The following RNASEH2B variants were observed in gnomAD, a reference collection of about 807,000 sequenced individuals.
RNASEH2B encodes the protein Aicardi-Goutieres syndrome 2 protein.
RNASEH2B carries 36 observed loss-of-function variants against 45.0 expected under a neutral mutation model. That is an observed-to-expected ratio of 0.80 (90% CI 0.61 to 1.06). RNASEH2B has a LOEUF of 1.06. Ranked by LOEUF, RNASEH2B falls within the 50% of genes least tolerant of loss-of-function variation. The probability of loss-of-function intolerance (pLI) is 0.00; values close to 1 mark genes in which losing one functional copy is unlikely to be tolerated. For synonymous variants in RNASEH2B, 119 were observed against 125.7 expected (o/e 0.95, Z 0.35); for missense variants, 361 against 360.3 (o/e 1.00, Z -0.02).
intron 1 of RNASEH2B, chr13:50,921,293 C>G (rs934965989): frequency 1.3e-5 from 2 of 152,182 alleles, no homozygotes; most frequent in Non-Finnish European, 1.5e-5. Context: ...AATGTTCTTT[C>G]TATGCTGACA....
At chr13:50,929,411 G>T (rs1407688019) in intron 2 of RNASEH2B, 64 bp from the exon 3 acceptor site, 4 of 947,470 alleles carry the variant, frequency 4.2e-6, no homozygotes, top group Middle Eastern at 5.2e-4. Flanking sequence ...AGTCTTTTGG[G>T]GTGTGTGTGT....
At chr13:50,931,250 T>C (rs1368023127) in intron 4 of RNASEH2B, among the ~76,000 whole-genome samples, 2 of 152,142 alleles carry the variant, frequency 1.3e-5, no homozygotes, top group African/African-American at 4.8e-5. Context: ...ACCTTTGGAA[T>C]AGAAATAAAG....
chr13:50,934,096 C>T (rs1398332101), intron 4 of RNASEH2B: 1 of 152,198 alleles, frequency 6.6e-6, no homozygotes, highest in Non-Finnish European at 1.5e-5. Context: ...TGGGCAAGGC[C>T]ATACATCTGG....
intron 1 of RNASEH2B, chr13:50,911,123 C>T (rs1394063172): frequency 6.6e-6 from 1 of 152,160 alleles, no homozygotes; most frequent in East Asian, 1.9e-4. Flanking sequence ...CCCTAGTAAC[C>T]ATCCCCCAGT....
chr13:50,958,402 G>C (rs1952077391), downstream of RNASEH2B, among the ~76,000 whole-genome samples: 1 of 152,128 alleles, frequency 6.6e-6, no homozygotes, highest in Admixed American at 6.5e-5. Flanking sequence ...GATAGCTATA[G>C]GTGTGTGGCT....
At chr13:50,955,628 C>G (rs915918366) in intron 10 of RNASEH2B, 13 of 152,160 alleles carry the variant, frequency 8.5e-5, no homozygotes, top group African/African-American at 3.1e-4. Flanking sequence ...TCTTACAGTT[C>G]CCAGGGAGAC....
Position 50,953,467 on chromosome 13 carries a change from C to G in RNASEH2B, c.742-438C>G, listed in dbSNP as rs1046239139. Reference sequence around the variant, plus strand: ...TAAAGTAAGATAAATATTGTCCCTTCATTCATAAGTGGACATTAAACTGGC... The same window carrying G: ...TAAAGTAAGATAAATATTGTCCCTTGATTCATAAGTGGACATTAAACTGGC... On this transcript the variant is annotated intron_variant, in intron 9 of 10. Coordinates refer to ENST00000336617, the MANE Select transcript of RNASEH2B (RefSeq NM_024570.4). 5 of 192,840 alleles carry G rather than the reference C, an allele frequency of 2.6e-5. No homozygotes were observed. The Admixed American group carries it at 2.7e-4, about 10-fold the overall frequency. 11.9% of individuals were successfully genotyped at this position (192,840 alleles called of 1,614,324 possible).
chr13:50,936,627 A>C (rs1951756145), intron 5 of RNASEH2B: 1 of 152,194 alleles, frequency 6.6e-6, no homozygotes, highest in Non-Finnish European at 1.5e-5. Context: ...ACCACTTTTA[A>C]AAGATAAAGT....
At chr13:50,935,134 A>G in intron 5 of RNASEH2B, 135 bp downstream of exon 5, 1 of 694,488 alleles carries the variant, frequency 1.4e-6, no homozygotes, top group East Asian at 2.7e-5. Flanking sequence ...AGATTTGCTA[A>G]CACTGCCAGC....
chr13:50,918,718 A>G (rs565332989), intron 1 of RNASEH2B, among the ~76,000 whole-genome samples: 6 of 152,308 alleles, frequency 3.9e-5, no homozygotes, highest in South Asian at 4.1e-4. Context: ...TTTGTCTTGC[A>G]TGCATTGTAT....
chr13:50,916,449 A>G (rs1237365486), intron 1 of RNASEH2B, among the ~76,000 whole-genome samples: 1 of 152,244 alleles, frequency 6.6e-6, no homozygotes, highest in African/African-American at 2.4e-5. Context: ...GTTGACAAAG[A>G]GAATTTGTAT....
At chr13:50,962,477 T>C (rs1952121042) in intron 9 of RNASEH2B, among the ~76,000 whole-genome samples, 1 of 152,216 alleles carries the variant, frequency 6.6e-6, no homozygotes, top group Admixed American at 6.5e-5. Flanking sequence ...ATCTAGGTTG[T>C]CAAATTTATT....
chr13:50,921,035 G>A (rs957120915), intron 1 of RNASEH2B: 2 of 152,078 alleles, frequency 1.3e-5, no homozygotes, highest in South Asian at 2.1e-4. Flanking sequence ...TATTCCCTAC[G>A]TGTTCTCGAC....
intron 1 of RNASEH2B, chr13:50,912,177 A>T (rs1363174122): frequency 6.6e-6 from 1 of 152,256 alleles, no homozygotes; most frequent in Non-Finnish European, 1.5e-5. Flanking sequence ...TTGAGCTACC[A>T]GCTCCTGCAA....
downstream of RNASEH2B, chr13:50,960,139 T>TTTTTTTTTTTTTTTGAGACGGAGTC (rs1952096662): frequency 8.8e-7 from 1 of 1,141,030 alleles, no homozygotes; most frequent in African/African-American, 1.6e-5. Flanking sequence ...ATCTGTTTTT[T>TTTTTTTTTTTTTTTGAGACGGAGTC]TCCAGCTAGG....
intron 9 of RNASEH2B, among the ~76,000 whole-genome samples, chr13:50,968,217 G>A (rs977860752): frequency 6.6e-6 from 1 of 151,912 alleles, no homozygotes; most frequent in African/African-American, 2.4e-5. Flanking sequence ...GGACAACATA[G>A]CAAGACTGTT....
intron 1 of RNASEH2B, among the ~76,000 whole-genome samples, chr13:50,915,688 A>G (rs906752422): frequency 6.6e-6 from 1 of 152,238 alleles, no homozygotes; most frequent in Admixed American, 6.5e-5. Context: ...CATGTCACGT[A>G]GGATTTCCAG....
At position 50,945,621 on chromosome 13, in the gene RNASEH2B, A is replaced by G; in HGVS notation, c.616+89A>G. ...TATCTTAGGATTTAAAAATCTTAAT[A>G]TCACAGAAGCCTCATATTCCTACCA... On this transcript the variant is annotated intron_variant, in intron 7 of 10. Transcript: ENST00000336617. The G allele has an allele frequency of 1.2e-5, 10 of 854,620 alleles. No homozygotes were observed. The South Asian group carries it at 1.4e-4, about 12-fold the overall frequency. 52.9% of individuals were successfully genotyped at this position (854,620 alleles called of 1,614,324 possible).
At chr13:50,956,131 T>C (rs1481765150) in intron 10 of RNASEH2B, 1 of 468,952 alleles carries the variant, frequency 2.1e-6, no homozygotes, top group Non-Finnish European at 3.9e-6. Context: ...AACATTCTGC[T>C]TCTTAGAAGG....
Sources: allele counts gnomAD v4.1 joint callset (sites outside exome capture counted in the v4.1 genomes callset), GRCh38; gene constraint gnomAD v4.1.1; transcripts MANE v1.5; gene names NCBI Gene and HGNC (gene_info 2026-07-23, HGNC 2026-07-21).